NF2: variants seen among roughly 807,000 people sequenced by gnomAD.
NF2 encodes merlin.
A neutral mutation model predicts 83.7 loss-of-function variants in NF2; 8 were observed. That is an observed-to-expected ratio of 0.10 (90% CI 0.06 to 0.17). The LOEUF (loss-of-function observed/expected upper bound fraction) is 0.17, where lower values mean the gene tolerates loss of function less well. Among genes scored for constraint, NF2 ranks in the 10% least tolerant of loss-of-function variants. NF2 has a pLI of 1.00. For missense variants in NF2, 533 were observed against 744.4 expected, an observed-to-expected ratio of 0.72 and a Z score of 3.31; for synonymous variants, 266 against 269.6, an observed-to-expected ratio of 0.99 and a Z score of 0.13.
chr22:29,603,828 G>A lies in NF2; in HGVS notation c.-171G>A. On this transcript the variant is annotated 5_prime_UTR_variant, in exon 1 of 16. Transcript: ENST00000338641. ...CCAACTCCCCTTTCCGCTCAGGCAG[G>A]GTCCTCGCGGCCCATGCTGGCCGCT... 1 of 591,208 alleles carries A rather than the reference G, an allele frequency of 1.7e-6. No individual in the cohort carries two copies. The highest frequency in any genetic ancestry group is 3.0e-6 in the Non-Finnish European group (1 of 335,368). 36.6% of individuals were successfully genotyped at this position (591,208 alleles called of 1,614,324 possible).
rs1374299963 is a variant in NF2 at position 29,654,666 on chromosome 22, T to C, written c.457T>C (p.Tyr153His). ...CCTTTCTTCTTTCCAGTATGGTGAC[T>C]ACGACCCCAGTGTTCACAAGCGGGG... ...SYAVQAKYGD[Y>H]DPSVHKRGFL... The change falls in exon 5 of 16, where the codon TAC (tyrosine) becomes CAC (histidine). Residue 153 changes from tyrosine to histidine, a missense_variant. Around this residue, in one of 3 missense-constraint regions of NF2, gnomAD observed 326 missense variants for 475.1 expected, o/e 0.69. Transcript: ENST00000338641. 4 of 1,613,710 alleles carry C rather than the reference T, an allele frequency of 2.5e-6. No homozygotes were observed. In the Admixed American group the frequency reaches 6.7e-5, roughly 27 times the overall value.
chr22:29,615,253 C>T (rs898182874), intron 1 of NF2, among the ~76,000 whole-genome samples: 8 of 152,064 alleles, frequency 5.3e-5, no homozygotes, highest in Admixed American at 1.3e-4. Context: ...CTGGTAAGAC[C>T]GTAAAATGGT....
In NF2 at chr22:29,636,903, TG is replaced by T. The variant is rs1186676087; in HGVS notation, c.240+31del. 1 of 1,613,648 alleles carries T rather than the reference TG, an allele frequency of 6.2e-7. No individual in the cohort carries two copies. The highest frequency in any genetic ancestry group is 8.5e-7 in the Non-Finnish European group (1 of 1,180,004). On this transcript the variant is annotated intron_variant, in intron 2 of 15. Transcript: ENST00000338641. This position sits in a 1 kb window ranked among gnomAD's most constrained non-coding sequence, Gnocchi z 4.4. Reference sequence around the variant, plus strand: ...TTGGGCTAGAACTCGATGAAACTGGTGGGGCTGACGTGAGCTTTCCAGTTTT... The same window carrying T: ...TTGGGCTAGAACTCGATGAAACTGGTGGGCTGACGTGAGCTTTCCAGTTTT...
chr22:29,697,770 C>T lies in NF2; in HGVS notation c.*2968C>T, dbSNP rs938257591. The stretch of plus-strand genomic sequence containing the variant: ...TAGTGGAGACGGGGTTTCTCCATGT[C>T]GGTCAGGCTGGTCTCGAACTCCCGA... On this transcript the variant is annotated 3_prime_UTR_variant, in exon 16 of 16. Coordinates refer to ENST00000338641, the MANE Select transcript of NF2 (RefSeq NM_000268.4). The T allele has an allele frequency of 6.8e-5, 12 of 177,606 alleles. No homozygotes were observed. Among genetic ancestry groups the T allele is most frequent in the African/African-American group, 1.2e-4 (5 of 42,270 alleles). The allele number at this position is 177,606 out of a possible 1,614,324, so 11.0% of individuals were successfully genotyped here.
chr22:29,674,034 G>A (rs777727076), intron 12 of NF2, among the ~76,000 whole-genome samples: 5 of 152,168 alleles, frequency 3.3e-5, no homozygotes, highest in African/African-American at 4.8e-5. Flanking sequence ...CTGTACTTTT[G>A]AAAGACTATT....
intron 1 of NF2, among the ~76,000 whole-genome samples, chr22:29,618,464 GAT>G (rs2146745913): frequency 7.5e-6 from 1 of 133,704 alleles, no homozygotes; most frequent in African/African-American, 2.6e-5. Context: ...TTACTGCAGA[GAT>G]AGGGGGAAAA....
intron 4 of NF2, among the ~76,000 whole-genome samples, chr22:29,647,492 T>C (rs2066014570): frequency 6.6e-6 from 1 of 152,124 alleles, no homozygotes; most frequent in Non-Finnish European, 1.5e-5. Flanking sequence ...GATGGACAGA[T>C]TGGAGTGAGA....
chr22:29,661,123 G>A (rs2147005864), intron 7 of NF2, 82 bp from the exon 8 acceptor site: 2 of 1,590,282 alleles, frequency 1.3e-6, no homozygotes, highest in South Asian at 2.2e-5. Flanking sequence ...ATGTGACAGT[G>A]TGTGCCAGAT....
At position 29,694,928 on chromosome 22, in the gene NF2, C is replaced by A; in HGVS notation, c.*126C>A. The A allele has an allele frequency of 1.0e-6, 1 of 986,868 alleles. No homozygotes were observed. The allele number at this position is 986,868 out of a possible 1,614,324, so 61.1% of individuals were successfully genotyped here. A position where few individuals can be genotyped will look rare whatever the true frequency, so the allele number is the denominator to read the frequency against. ...GTTTCCGTGGGAGCTCCAGAACTTT[C>A]CCCAGCTGAGTGAAGAGCCCAGCCC... On this transcript the variant is annotated 3_prime_UTR_variant, in exon 16 of 16. Coordinates refer to ENST00000338641, the MANE Select transcript of NF2 (RefSeq NM_000268.4). The surrounding 1 kb of genome is among the most constrained non-coding windows in gnomAD (Gnocchi z 4.1).
intron 4 of NF2, among the ~76,000 whole-genome samples, chr22:29,643,986 C>T (rs2065896361): frequency 1.3e-5 from 2 of 150,838 alleles, no homozygotes; most frequent in African/African-American, 4.9e-5. Flanking sequence ...CCCCACCTCC[C>T]TCCCGGACGG....
chr22:29,661,832 G>A (rs557265634), intron 8 of NF2, among the ~76,000 whole-genome samples: 1 of 152,128 alleles, frequency 6.6e-6, no homozygotes, highest in Admixed American at 6.5e-5. Flanking sequence ...TTCTGTGTCC[G>A]GTGCTTGATA....
intron 1 of NF2, among the ~76,000 whole-genome samples, chr22:29,625,171 C>T (rs916324716): frequency 5.9e-5 from 9 of 152,076 alleles, no homozygotes; most frequent in Admixed American, 2.6e-4. Context: ...TCGTGATCCA[C>T]GCTCCTCGGC....
At chr22:29,629,603 G>A (rs190858520) in intron 1 of NF2, among the ~76,000 whole-genome samples, 3 of 152,238 alleles carry the variant, frequency 2.0e-5, no homozygotes, top group African/African-American at 7.2e-5. Flanking sequence ...CGTGGCACAT[G>A]TCCTGAGCCT....
chr22:29,687,223 T>C (rs2067291439), intron 15 of NF2, among the ~76,000 whole-genome samples: 1 of 152,074 alleles, frequency 6.6e-6, no homozygotes. Flanking sequence ...TGAGAAATCA[T>C]GGGGGTGGTG....
intron 4 of NF2, among the ~76,000 whole-genome samples, chr22:29,653,654 C>T (rs6006219): frequency 0.13 from 20,101 of 151,924 alleles, 1,426 homozygotes; most frequent in South Asian, 0.16. Context: ...AGTTTTAGGC[C>T]GCTTCATTTG....
chr22:29,666,561 A>G (rs2066629550), intron 9 of NF2, among the ~76,000 whole-genome samples: 1 of 152,064 alleles, frequency 6.6e-6, no homozygotes, highest in Non-Finnish European at 1.5e-5. Flanking sequence ...CACGCCTGTA[A>G]TCTCAGCACT....
intron 4 of NF2, among the ~76,000 whole-genome samples, chr22:29,643,454 T>A (rs2065872048): frequency 6.6e-6 from 1 of 152,222 alleles, no homozygotes; most frequent in South Asian, 2.1e-4. Flanking sequence ...GCAGCGTTTG[T>A]GTCCCTGGGT....
Position 29,696,795 on chromosome 22 carries a change from G to GT in NF2, c.*2007dup, listed in dbSNP as rs886057365. On this transcript the variant is annotated 3_prime_UTR_variant, in exon 16 of 16. Coordinates refer to ENST00000338641, the MANE Select transcript of NF2 (RefSeq NM_000268.4). ...AGTGAGGTCTGGCTCTGCCTCCTCC[G>GT]TTTTTTTTTTTTTTCTGTTTCTGTT... The GT allele has an allele frequency of 0.046, 7,647 of 167,154 alleles. 6 individuals carry two copies. Among genetic ancestry groups the GT allele is most frequent in the East Asian group, 0.11 (1,138 of 9,920 alleles). The allele number at this position is 167,154 out of a possible 1,614,324, so 10.4% of individuals were successfully genotyped here.
intron 13 of NF2, among the ~76,000 whole-genome samples, chr22:29,677,126 T>C (rs1156709539): frequency 6.6e-6 from 1 of 151,856 alleles, no homozygotes; most frequent in Non-Finnish European, 1.5e-5. Flanking sequence ...AAGAGGCAGA[T>C]TGTTTGCAGG....
Sources: gnomAD v4.1 joint callset for allele counts (sites outside exome capture counted in the v4.1 genomes callset) on GRCh38, gnomAD v4.1.1 for gene constraint, gnomAD v4.1.1 regional missense constraint, Gnocchi (gnomAD v3.1) non-coding constraint, MANE v1.5 for transcripts, NCBI Gene and HGNC (gene_info 2026-07-23, HGNC 2026-07-21) for gene names.